Variants in POLD1 observed in about 807,000 individuals in gnomAD.
The protein encoded by POLD1 is DNA polymerase delta catalytic subunit.
POLD1 carries 79 observed loss-of-function variants against 129.7 expected under a neutral mutation model. That is an observed-to-expected ratio of 0.61 (90% CI 0.51 to 0.73). The LOEUF (loss-of-function observed/expected upper bound fraction) is 0.73, where lower values mean the gene tolerates loss of function less well. POLD1 is among the 30% of genes least tolerant of loss of function. POLD1 has a pLI of 0.00. For missense variants in POLD1, 1,338 were observed against 1,595.8 expected (o/e 0.84, Z 2.75); for synonymous variants, 714 against 683.3 (o/e 1.04, Z -0.70).
Position 50,417,237 on chromosome 19 carries a change from G to T in POLD1, c.3186G>T (p.Gln1062His). 6.2e-7 allele frequency: 1 copy of T among 1,602,930 alleles called. No homozygotes were observed. Residue 1062 changes from glutamine to histidine, a missense_variant, in exon 26 of 27, where the codon CAG becomes CAT. Around this residue, in one of 3 missense-constraint regions of POLD1, gnomAD observed 286 missense variants for 277.5 expected, o/e 1.03. Coordinates refer to ENST00000440232, the MANE Select transcript of POLD1 (RefSeq NM_002691.4). Reference protein sequence around the residue: ...SRLWTQCQRCQGSLHEDVICT... With the variant: ...SRLWTQCQRCHGSLHEDVICT... Reference sequence around the variant, plus strand: ...TCTGGACGCAGTGCCAGCGCTGCCAGGGCAGCCTGCACGAGGACGTCATCT... The same window carrying T: ...TCTGGACGCAGTGCCAGCGCTGCCATGGCAGCCTGCACGAGGACGTCATCT...
intron 1 of POLD1, among the ~76,000 whole-genome samples, chr19:50,390,034 G>C (rs1282640356): frequency 1.3e-5 from 2 of 150,794 alleles, no homozygotes; most frequent in African/African-American, 4.9e-5. Flanking sequence ...TCAGCCTCCC[G>C]AGTAGCTAGG....
At position 50,409,188 on chromosome 19, in the gene POLD1, G is replaced by C. The variant is rs1443432312; in HGVS notation, c.1959G>C (p.Lys653Asn). Reference sequence around the variant, plus strand: ...AGTTTGTGAAGACCTCAGTGCGGAAGGGGCTGCTGCCCCAGATCCTGGAGA... The same window carrying C: ...AGTTTGTGAAGACCTCAGTGCGGAACGGGCTGCTGCCCCAGATCCTGGAGA... ...GDEFVKTSVR[K>N]GLLPQILENL... Residue 653 changes from lysine to asparagine, a missense_variant, in exon 16 of 27, where the codon AAG becomes AAC. By Grantham distance (94) the Lys-to-Asn change is moderately conservative. Transcript: ENST00000440232. The surrounding 1 kb of genome is among the most constrained non-coding windows in gnomAD (Gnocchi z 5.8). The C allele has an allele frequency of 1.2e-6, 2 of 1,613,804 alleles. No individual in the cohort carries two copies. The highest frequency in any genetic ancestry group is 1.7e-6 in the Non-Finnish European group (2 of 1,179,786).
At chr19:50,399,579 A>C in intron 3 of POLD1, 95 bp downstream of exon 3, 1 of 908,040 alleles carries the variant, frequency 1.1e-6, no homozygotes. Context: ...CTCCTGGGGC[A>C]GAGGCCGGGC....
At position 50,415,704 on chromosome 19, in the gene POLD1, GCCACCCCA is replaced by G. The variant is rs2039258710; in HGVS notation, c.2718-19_2718-12del. On this transcript the variant is annotated splice_polypyrimidine_tract_variant and intron_variant, in intron 21 of 26. Coordinates refer to ENST00000440232, the MANE Select transcript of POLD1 (RefSeq NM_002691.4). ...GCCACCCACCTGCCCTCACCCACCC[GCCACCCCA>G]TCTCCACGCAGGATGAGGAAGCGGG... 1.9e-6 allele frequency: 1 copy of G among 535,396 alleles called. No homozygotes were observed. Among genetic ancestry groups the G allele is most frequent in the African/African-American group, 4.1e-5 (1 of 24,534 alleles). The allele number at this position is 535,396 out of a possible 1,614,324, so 33.2% of individuals were successfully genotyped here. A position where few individuals can be genotyped will look rare whatever the true frequency, so the allele number is the denominator to read the frequency against.
intron 1 of POLD1, among the ~76,000 whole-genome samples, chr19:50,389,385 G>A (rs753523948): frequency 1.3e-5 from 2 of 151,646 alleles, no homozygotes; most frequent in Non-Finnish European, 2.9e-5. Flanking sequence ...GCCTCCAAAT[G>A]TCCTGGGATT....
chr19:50,414,681 A>G, intron 19 of POLD1, 134 bp from the exon 20 acceptor site: 1 of 661,544 alleles, frequency 1.5e-6, no homozygotes, highest in Non-Finnish European at 2.4e-6. Flanking sequence ...GGTCCATCCC[A>G]CCAGGCTCAG....
Position 50,417,864 on chromosome 19 carries a change from ATGCGCAAGAAGG to A in POLD1, c.3246_3257del (p.Lys1084_Lys1087del). The A allele has an allele frequency of 6.2e-7, 1 of 1,608,278 alleles. No individual in the cohort carries two copies. The stretch of plus-strand genomic sequence containing the variant: ...CAGCCGGGACTGCCCCATCTTCTAC[ATGCGCAAGAAGG>A]TGCGGAAGGACCTGGAAGACCAGGA... On this transcript the variant is annotated inframe_deletion, in exon 27 of 27. Transcript: ENST00000440232.
rs2038865191 is a variant in POLD1 at position 50,406,081 on chromosome 19, A to T, written c.1243-101A>T. On this transcript the variant is annotated intron_variant, in intron 10 of 26. Coordinates refer to ENST00000440232, the MANE Select transcript of POLD1 (RefSeq NM_002691.4). The surrounding 1 kb of genome is among the most constrained non-coding windows in gnomAD (Gnocchi z 5.5). ...CCCCCAGGGTTGCTCTCGACCCCCTAGGGTTGTTATAAGGATGTTGTGGTT... is the reference window on the plus strand; with the variant it reads ...CCCCCAGGGTTGCTCTCGACCCCCTTGGGTTGTTATAAGGATGTTGTGGTT... 7.0e-7 allele frequency: 1 copy of T among 1,425,110 alleles called. No homozygotes were observed. The highest frequency in any genetic ancestry group is 9.6e-7 in the Non-Finnish European group (1 of 1,036,380). The allele number at this position is 1,425,110 out of a possible 1,614,324, so 88.3% of individuals were successfully genotyped here.
intron 19 of POLD1, among the ~76,000 whole-genome samples, chr19:50,414,406 A>T (rs1196520815): frequency 6.6e-6 from 1 of 152,192 alleles, no homozygotes; most frequent in East Asian, 1.9e-4. Context: ...CTCACACTGT[A>T]CTGTTTCCCC....
At chr19:50,405,849 C>G (rs2038856454) in intron 10 of POLD1, among the ~76,000 whole-genome samples, 1 of 152,222 alleles carries the variant, frequency 6.6e-6, no homozygotes, top group African/African-American at 2.4e-5. Context: ...GCCTCTGCCC[C>G]CACCTGGCCG....
At chr19:50,417,668 G>A (rs1434247583) in intron 26 of POLD1, among the ~76,000 whole-genome samples, 174 bp from the exon 27 acceptor site, 1 of 135,870 alleles carries the variant, frequency 7.4e-6, no homozygotes, top group Non-Finnish European at 1.5e-5. Flanking sequence ...CGCTGTTATC[G>A]GCTCCCCCCC....
chr19:50,394,435 T>C (rs978533184), intron 1 of POLD1, among the ~76,000 whole-genome samples: 1 of 152,104 alleles, frequency 6.6e-6, no homozygotes, highest in Non-Finnish European at 1.5e-5. Flanking sequence ...GCGGATCATC[T>C]GAGGTCAGGA....
intron 1 of POLD1, among the ~76,000 whole-genome samples, chr19:50,385,526 C>CTTT (rs760846797): frequency 2.3e-5 from 3 of 128,916 alleles, no homozygotes; most frequent in Admixed American, 7.8e-5. Context: ...ACTGTCTTCT[C>CTTT]TTTTTTTTTT....
In POLD1 at chr19:50,415,829, C is replaced by T. The variant is rs986822818; in HGVS notation, c.2820+3C>T. 13 of 1,501,868 alleles carry T rather than the reference C, an allele frequency of 8.7e-6. No individual in the cohort carries two copies. The highest frequency in any genetic ancestry group is 1.2e-5 in the Non-Finnish European group (13 of 1,121,168). The allele number at this position is 1,501,868 out of a possible 1,614,324, so 93.0% of individuals were successfully genotyped here. On this transcript the variant is annotated splice_donor_region_variant and intron_variant, in intron 22 of 26. Transcript: ENST00000440232. ...TGGCCGCCTACATGAAGTCGGAGGT[C>T]AGGCCCACCTGGCTGCCTGCTCCCG...
At position 50,407,123 on chromosome 19, in the gene POLD1, C is replaced by T. The variant is rs1057522415; in HGVS notation, c.1635C>T (p.Tyr545=). ...MARVTGVPLS[Y]LLSRGQQVKV... ...GGGTCACTGGCGTGCCCCTCAGCTA[C>T]CTGCTCAGTCGTGGCCAGCAGGTCA... The change falls in exon 13 of 27, where the codon TAC becomes TAT. Residue 545 remains tyrosine, a synonymous_variant. Coordinates refer to ENST00000440232, the MANE Select transcript of POLD1 (RefSeq NM_002691.4). The T allele has an allele frequency of 1.1e-5, 17 of 1,613,384 alleles. No individual in the cohort carries two copies. Among genetic ancestry groups the T allele is most frequent in the Admixed American group, 1.7e-5 (1 of 59,984 alleles).
chr19:50,415,266 G>A (rs2039236775), intron 20 of POLD1, among the ~76,000 whole-genome samples, 172 bp from the exon 21 acceptor site: 1 of 152,186 alleles, frequency 6.6e-6, no homozygotes, highest in African/African-American at 2.4e-5. Flanking sequence ...TTGGGCAGCT[G>A]TGGGTTCAGG....
intron 19 of POLD1, 81 bp from the exon 20 acceptor site, chr19:50,414,734 T>A (rs1348205509): frequency 1.7e-6 from 2 of 1,192,108 alleles, no homozygotes; most frequent in African/African-American, 3.1e-5. Flanking sequence ...GGACCCTGTC[T>A]ACCTTCAGTT....
At chr19:50,388,877 G>A (rs2038058169) in intron 1 of POLD1, among the ~76,000 whole-genome samples, 1 of 130,262 alleles carries the variant, frequency 7.7e-6, no homozygotes. Flanking sequence ...CTGTCACCCA[G>A]GCTGGAGTAC....
intron 1 of POLD1, among the ~76,000 whole-genome samples, chr19:50,388,825 CTTTTTTTTTTTTTT>C (rs34487979): frequency 4.5e-5 from 4 of 88,856 alleles, no homozygotes; most frequent in Non-Finnish European, 6.1e-5. Flanking sequence ...GCAGTTAACT[CTTTTTTTTTTTTTT>C]TTTTTTTTTT....
Sources: gnomAD v4.1 joint callset for allele counts (sites outside exome capture counted in the v4.1 genomes callset) on GRCh38, gnomAD v4.1.1 for gene constraint, gnomAD v4.1.1 regional missense constraint, Gnocchi (gnomAD v3.1) non-coding constraint, MANE v1.5 for transcripts, NCBI Gene and HGNC (gene_info 2026-07-23, HGNC 2026-07-21) for gene names.